IL2RB: variants seen among roughly 807,000 people sequenced by gnomAD.
IL2RB encodes the protein interleukin-2 receptor subunit beta.
IL2RB carries 17 observed loss-of-function variants against 44.2 expected under a neutral mutation model. That is an observed-to-expected ratio of 0.38 (90% confidence interval 0.26 to 0.58). The LOEUF (loss-of-function observed/expected upper bound fraction) is 0.58, where lower values mean the gene tolerates loss of function less well. Among genes scored for constraint, IL2RB ranks in the 20% least tolerant of loss-of-function variants. IL2RB has a pLI of 0.63. For synonymous variants in IL2RB, 286 were observed against 297.9 expected (o/e 0.96, Z 0.41); for missense variants, 624 against 685.5 (o/e 0.91, Z 1.00).
intron 9 of IL2RB, among the ~76,000 whole-genome samples, chr22:37,132,084 C>A (rs1173378940): frequency 6.6e-6 from 1 of 152,114 alleles, no homozygotes; most frequent in African/African-American, 2.4e-5. Flanking sequence ...GTACTCAGGG[C>A]AGGACACATA....
intron 1 of IL2RB, among the ~76,000 whole-genome samples, chr22:37,155,763 C>T (rs539064910): frequency 0.05 from 2 of 40 alleles, no homozygotes; most frequent in Admixed American, 0.25. Flanking sequence ...ACCCAGCCTC[C>T]TCCACGAGCT....
At chr22:37,138,417 G>A (rs1404513695) in intron 5 of IL2RB, among the ~76,000 whole-genome samples, 6 of 152,164 alleles carry the variant, frequency 3.9e-5, no homozygotes, top group East Asian at 3.8e-4. Flanking sequence ...AGAAAGTTTC[G>A]ATGGTCTGCC....
At position 37,126,694 on chromosome 22, in the gene IL2RB, G is replaced by A. The variant is rs1429495194; in HGVS notation, c.*1402C>T. ...AGGGCTCCCAGGTCAGAGTTAGCTG[G>A]GACTGGGGTCACTGTCCTGCTGGGG... On this transcript the variant is annotated 3_prime_UTR_variant, in exon 10 of 10. Transcript: ENST00000216223. The A allele has an allele frequency of 6.6e-6, 1 of 152,382 alleles. No homozygotes were observed. Among genetic ancestry groups the A allele is most frequent in the East Asian group, 1.9e-4 (1 of 5,196 alleles). The allele number at this position is 152,382 out of a possible 1,614,324, so 9.4% of individuals were successfully genotyped here.
At chr22:37,138,714 C>T (rs905296182) in intron 5 of IL2RB, among the ~76,000 whole-genome samples, 1 of 152,134 alleles carries the variant, frequency 6.6e-6, no homozygotes, top group Non-Finnish European at 1.5e-5. Context: ...CTAGGGGAGT[C>T]TAGGAAGGCC....
intron 2 of IL2RB, among the ~76,000 whole-genome samples, 191 bp from the exon 3 acceptor site, chr22:37,143,826 C>T (rs1922090347): frequency 6.6e-6 from 1 of 152,128 alleles, no homozygotes; most frequent in African/African-American, 2.4e-5. Flanking sequence ...CAAGTTCCTA[C>T]AGGCAAACTA....
Position 37,128,911 on chromosome 22 carries a change from T to G in IL2RB, c.904-63A>C. 1 of 1,527,340 alleles carries G rather than the reference T, an allele frequency of 6.5e-7. No homozygotes were observed. Among genetic ancestry groups the G allele is most frequent in the Non-Finnish European group, 8.8e-7 (1 of 1,134,454 alleles). The allele number at this position is 1,527,340 out of a possible 1,614,324, so 94.6% of individuals were successfully genotyped here. Reference sequence around the variant, plus strand: ...TTCCTTCACCCTCCACCCCTTCCTCTGGACTCTCAACAGCTCCTAACTCCT... The same window carrying G: ...TTCCTTCACCCTCCACCCCTTCCTCGGGACTCTCAACAGCTCCTAACTCCT... On this transcript the variant is annotated intron_variant, in intron 9 of 9. Transcript: ENST00000216223. This position sits in a 1 kb window ranked among gnomAD's most constrained non-coding sequence, Gnocchi z 4.5.
intron 1 of IL2RB, among the ~76,000 whole-genome samples, chr22:37,167,325 G>A (rs946910533): frequency 7.9e-5 from 12 of 151,934 alleles, no homozygotes; most frequent in South Asian, 2.1e-4. Context: ...AGCCCCAGCC[G>A]GCACCCTCAG....
At chr22:37,132,845 G>A (rs1921500474) in intron 8 of IL2RB, among the ~76,000 whole-genome samples, 1 of 152,212 alleles carries the variant, frequency 6.6e-6, no homozygotes, top group South Asian at 2.1e-4. Context: ...TAGAAGAAGT[G>A]GAATGAACCA....
At chr22:37,158,331 C>T (rs1051136645) in intron 1 of IL2RB, among the ~76,000 whole-genome samples, 5 of 151,934 alleles carry the variant, frequency 3.3e-5, no homozygotes, top group Admixed American at 6.6e-5. Context: ...GGGCGGATCA[C>T]GAGGTCAGGA....
rs1029572532 is a variant in IL2RB at position 37,132,365 on chromosome 22, C to T, written c.903+19G>A. On this transcript the variant is annotated intron_variant, in intron 9 of 9. Transcript: ENST00000216223. ...CTCACACCCCTGCCCACCTCTGTCT[C>T]CCCGCCCCGGCCTCCTACCTGGACG... The T allele has an allele frequency of 3.1e-6, 5 of 1,607,708 alleles. No homozygotes were observed. The highest frequency in any genetic ancestry group is 2.2e-5 in the East Asian group (1 of 44,792).
chr22:37,173,164 G>A (rs1348895569), intron 1 of IL2RB, among the ~76,000 whole-genome samples: 1 of 152,168 alleles, frequency 6.6e-6, no homozygotes, highest in Non-Finnish European at 1.5e-5. Context: ...GCTGTGCTAT[G>A]TCTCTCATCT....
rs1921966545 is a variant in IL2RB at position 37,141,499 on chromosome 22, A to G, written c.282+935T>C. 6.6e-6 allele frequency among the ~76,000 whole-genome samples: 1 copy of G among 151,804 alleles called. No homozygotes were observed. The highest frequency in any genetic ancestry group is 2.1e-4 in the South Asian group (1 of 4,818). ...TGTGGATCCAGTGTGAGTCGGGGAC[A>G]AGCGGGACCCCTGCCCCTTCCGAGG... is the stretch of plus-strand genomic sequence containing the variant. On this transcript the variant is annotated intron_variant, in intron 4 of 9. Coordinates refer to ENST00000216223, the MANE Select transcript of IL2RB (RefSeq NM_000878.5). This position sits in a 1 kb window ranked among gnomAD's most constrained non-coding sequence, Gnocchi z 4.4.
chr22:37,137,555 C>A lies in IL2RB; in HGVS notation c.537+32G>T, dbSNP rs1250274304. On this transcript the variant is annotated intron_variant, in intron 6 of 9. Coordinates refer to ENST00000216223, the MANE Select transcript of IL2RB (RefSeq NM_000878.5). ...ATGGACCAGGACAGGAAGGAGGAAC[C>A]AAGGCAGGTACGGACTGGGCCACAT... The A allele has an allele frequency of 3.7e-6, 6 of 1,611,764 alleles. No individual in the cohort carries two copies. In the African/African-American group the frequency reaches 4.0e-5, roughly 11 times the overall value.
rs2072862 is a variant in IL2RB at position 37,132,566 on chromosome 22, G to A, written c.819-98C>T. On this transcript the variant is annotated intron_variant, in intron 8 of 9. Coordinates refer to ENST00000216223, the MANE Select transcript of IL2RB (RefSeq NM_000878.5). ...AGCTCTGGATGCCAGGCACGGAGCCGCACCACATTTACTTATGTATTTCTT... is the reference window on the plus strand; with the variant it reads ...AGCTCTGGATGCCAGGCACGGAGCCACACCACATTTACTTATGTATTTCTT... 0.32 allele frequency: 256,064 copies of A among 793,432 alleles called. 44,063 individuals carry two copies. Among genetic ancestry groups the A allele is most frequent in the East Asian group, 0.61 (23,181 of 37,840 alleles). 49.1% of individuals were successfully genotyped at this position (793,432 alleles called of 1,614,324 possible). A position where few individuals can be genotyped will look rare whatever the true frequency, so the allele number is the denominator to read the frequency against.
intron 9 of IL2RB, among the ~76,000 whole-genome samples, chr22:37,129,926 G>A (rs957305683): frequency 1.2e-4 from 18 of 152,174 alleles, no homozygotes; most frequent in Non-Finnish European, 4.4e-5. Flanking sequence ...CCAGCATGGC[G>A]GGTCTCATGG....
intron 1 of IL2RB, among the ~76,000 whole-genome samples, chr22:37,171,483 G>A (rs991276959): frequency 2.0e-5 from 3 of 152,046 alleles, no homozygotes; most frequent in Non-Finnish European, 4.4e-5. Context: ...GATGAAAAAC[G>A]CTATCAGAAA....
At chr22:37,173,044 G>A (rs986023897) in intron 1 of IL2RB, among the ~76,000 whole-genome samples, 1 of 152,140 alleles carries the variant, frequency 6.6e-6, no homozygotes, top group Admixed American at 6.5e-5. Context: ...GAATATCCCA[G>A]GTCCTGCAAA....
intron 1 of IL2RB, among the ~76,000 whole-genome samples, chr22:37,173,369 C>A (rs951416809): frequency 3.3e-5 from 5 of 152,182 alleles, no homozygotes; most frequent in Non-Finnish European, 7.3e-5. Flanking sequence ...ACCACACTGT[C>A]CCCTGTGCTT....
upstream of IL2RB, among the ~76,000 whole-genome samples, chr22:37,150,691 C>T (rs572865075): frequency 1.3e-5 from 2 of 152,258 alleles, no homozygotes; most frequent in South Asian, 4.1e-4. Context: ...CGATCTAATT[C>T]TGTTTTCGTA....
Sources: gnomAD v4.1 joint callset for allele counts (sites outside exome capture counted in the v4.1 genomes callset) on GRCh38, gnomAD v4.1.1 for gene constraint, Gnocchi (gnomAD v3.1) non-coding constraint, MANE v1.5 for transcripts, NCBI Gene and HGNC (gene_info 2026-07-23, HGNC 2026-07-21) for gene names.